KCNN2: variants seen among roughly 807,000 people sequenced by gnomAD.
The protein encoded by KCNN2 is potassium calcium-activated channel subfamily N member 2.
A neutral mutation model predicts 55.5 loss-of-function variants in KCNN2; 24 were observed. The observed-to-expected ratio is 0.43, with a 90% CI of 0.31 to 0.61. The LOEUF (loss-of-function observed/expected upper bound fraction) is 0.61, where lower values mean the gene tolerates loss of function less well. KCNN2 is among the 20% of genes least tolerant of loss of function. KCNN2 has a pLI of 0.08. For synonymous variants in KCNN2, 431 were observed against 336.1 expected (o/e 1.28, Z -3.09); for missense variants, 754 against 853.6 (o/e 0.88, Z 1.45).
intron 1 of KCNN2, among the ~76,000 whole-genome samples, chr5:114,193,812 T>C (rs991085813): frequency 6.6e-6 from 1 of 152,168 alleles, no homozygotes; most frequent in Non-Finnish European, 1.5e-5. Context: ...GATCTTGTTT[T>C]AAGGAGTGAG....
At chr5:114,175,186 T>G (rs554513343) in intron 1 of KCNN2, among the ~76,000 whole-genome samples, 21 of 152,308 alleles carry the variant, frequency 1.4e-4, no homozygotes, top group South Asian at 6.2e-4. Context: ...TTGCTATCTC[T>G]TTAGGCTAGG....
At chr5:114,327,250 C>G (rs1356684558) in intron 2 of KCNN2, among the ~76,000 whole-genome samples, 1 of 152,194 alleles carries the variant, frequency 6.6e-6, no homozygotes, top group Non-Finnish European at 1.5e-5. Flanking sequence ...TAGAGCATCA[C>G]TGGTTTTAAT....
At chr5:114,068,824 C>CT (rs1750505962) in intron 1 of KCNN2, among the ~76,000 whole-genome samples, 1 of 150,990 alleles carries the variant, frequency 6.6e-6, no homozygotes, top group Non-Finnish European at 1.5e-5. Flanking sequence ...TTTTCTTTTT[C>CT]TTTTCTTTTG....
At chr5:114,356,805 T>A (rs1210411587) in intron 2 of KCNN2, among the ~76,000 whole-genome samples, 5 of 152,156 alleles carry the variant, frequency 3.3e-5, no homozygotes, top group Non-Finnish European at 7.4e-5. Flanking sequence ...GTAGATTTCT[T>A]ATAAAGTGGG....
intron 1 of KCNN2, among the ~76,000 whole-genome samples, chr5:114,161,083 C>A (rs561728249): frequency 6.6e-6 from 1 of 152,300 alleles, no homozygotes; most frequent in African/African-American, 2.4e-5. Context: ...TTAGTTGATG[C>A]AGTTTCTTCC....
rs1007921185 is a variant in KCNN2, at chr5:114,362,743, C to G, written c.604C>G (p.Arg202Gly). 2 of 1,540,714 alleles carry G rather than the reference C, an allele frequency of 1.3e-6. No individual in the cohort carries two copies. Among genetic ancestry groups the G allele is most frequent in the African/African-American group, 2.7e-5 (2 of 73,404 alleles). ...AHHQHHQPQARRESNPFTEIA... is the reference protein window; with the variant it reads ...AHHQHHQPQAGRESNPFTEIA... Reference sequence around the variant, plus strand: ...CCACCAGCACCACCAGCCCCAGGCGCGCCGCGAGAGCAACCCCTTCACCGA... The same window carrying G: ...CCACCAGCACCACCAGCCCCAGGCGGGCCGCGAGAGCAACCCCTTCACCGA... Residue 202 changes from arginine to glycine, a missense_variant, in exon 1 of 8, where the codon CGC becomes GGC. By Grantham distance (125) the Arg-to-Gly change is moderately radical (BLOSUM62 -2). Coordinates refer to ENST00000673685, the MANE Select transcript of KCNN2 (RefSeq NM_021614.4).
chr5:114,437,170 A>G (rs1760036789), intron 3 of KCNN2, among the ~76,000 whole-genome samples: 1 of 152,146 alleles, frequency 6.6e-6, no homozygotes, highest in Non-Finnish European at 1.5e-5. Flanking sequence ...AAAACAGTAG[A>G]ATTGGATATA....
chr5:114,445,375 TAA>T (rs1218510727), intron 3 of KCNN2, among the ~76,000 whole-genome samples: 1 of 152,230 alleles, frequency 6.6e-6, no homozygotes, highest in African/African-American at 2.4e-5. Context: ...AACATTTTAA[TAA>T]AGTGTTCAGC....
intron 3 of KCNN2, among the ~76,000 whole-genome samples, chr5:114,449,908 A>ACACACACACG (rs1309590184): frequency 0.01 from 676 of 66,116 alleles, 8 homozygotes; most frequent in African/African-American, 0.022. Context: ...ACACACACAC[A>ACACACACACG]CGCGCGCGCT....
At chr5:114,112,379 A>G (rs750901018) in intron 1 of KCNN2, among the ~76,000 whole-genome samples, 4 of 152,150 alleles carry the variant, frequency 2.6e-5, no homozygotes, top group South Asian at 4.1e-4. Flanking sequence ...CCTAATGTAA[A>G]TGATGAGTTG....
chr5:114,206,437 G>A (rs10040061), intron 1 of KCNN2, among the ~76,000 whole-genome samples: 2,781 of 152,062 alleles, frequency 0.018, 77 homozygotes, highest in African/African-American at 0.062. Flanking sequence ...TTCTGTTAGC[G>A]ACATCATCTT....
intron 2 of KCNN2, among the ~76,000 whole-genome samples, chr5:114,389,213 A>G (rs1327469514): frequency 6.6e-6 from 1 of 151,948 alleles, no homozygotes; most frequent in Non-Finnish European, 1.5e-5. Context: ...TCCCCATTGT[A>G]TATGTTCGTT....
At chr5:114,468,068 C>G (rs901453800) in intron 4 of KCNN2, among the ~76,000 whole-genome samples, 1 of 152,132 alleles carries the variant, frequency 6.6e-6, no homozygotes, top group Non-Finnish European at 1.5e-5. Flanking sequence ...CACACTCTCC[C>G]CTCTTTTCTT....
At chr5:114,133,168 T>G (rs6879855) in intron 1 of KCNN2, among the ~76,000 whole-genome samples, 6 of 152,182 alleles carry the variant, frequency 3.9e-5, no homozygotes, top group African/African-American at 1.4e-4. Flanking sequence ...AATTATCAGA[T>G]TCTATAATTT....
intron 2 of KCNN2, among the ~76,000 whole-genome samples, chr5:114,357,021 AC>A (rs1487887945): frequency 2.0e-5 from 3 of 152,132 alleles, no homozygotes; most frequent in Non-Finnish European, 4.4e-5. Context: ...TAGTTGACTC[AC>A]CCAGGCAAAG....
chr5:114,227,929 T>C (rs1179014603), intron 2 of KCNN2, among the ~76,000 whole-genome samples: 3 of 152,118 alleles, frequency 2.0e-5, no homozygotes. Flanking sequence ...ATATGTTGAT[T>C]CATTCCTTCA....
chr5:114,294,711 G>T (rs577081051), intron 2 of KCNN2, among the ~76,000 whole-genome samples: 1 of 152,126 alleles, frequency 6.6e-6, no homozygotes, highest in Non-Finnish European at 1.5e-5. Context: ...TATTAGGTCC[G>T]CTTGGTGCAG....
chr5:114,276,901 C>T (rs1349566283), intron 2 of KCNN2, among the ~76,000 whole-genome samples: 6 of 151,792 alleles, frequency 4.0e-5, no homozygotes, highest in South Asian at 2.1e-4. Flanking sequence ...GTTATTTCAC[C>T]GATTAATTGA....
intron 1 of KCNN2, among the ~76,000 whole-genome samples, chr5:114,213,746 C>G (rs1016644074): frequency 6.6e-6 from 1 of 151,960 alleles, no homozygotes; most frequent in Non-Finnish European, 1.5e-5. Context: ...AAGGATTTCT[C>G]TTTGTCTCCA....
Sources: gnomAD v4.1 joint callset for allele counts (sites outside exome capture counted in the v4.1 genomes callset) on GRCh38, gnomAD v4.1.1 for gene constraint, MANE v1.5 for transcripts, NCBI Gene and HGNC (gene_info 2026-07-23, HGNC 2026-07-21) for gene names.